RAB7A: variants seen among roughly 807,000 people sequenced by gnomAD.
RAB7A encodes ras-related protein Rab-7a.
Under a neutral mutation model 24.5 loss-of-function variants are expected in RAB7A, and 2 were observed. That is an observed-to-expected ratio of 0.08 (90% CI 0.03 to 0.26). The LOEUF (loss-of-function observed/expected upper bound fraction) is 0.26, where lower values mean the gene tolerates loss of function less well. Ranked by LOEUF, RAB7A falls within the 10% of genes least tolerant of loss-of-function variation. RAB7A has a pLI of 1.00. For missense variants in RAB7A, 118 were observed against 255.7 expected (o/e 0.46, Z 3.67); for synonymous variants, 100 against 95.9 (o/e 1.04, Z -0.25).
At chr3:128,773,735 A>G (rs1933012387) in intron 1 of RAB7A, among the ~76,000 whole-genome samples, 2 of 152,224 alleles carry the variant, frequency 1.3e-5, no homozygotes, top group Non-Finnish European at 2.9e-5. Flanking sequence ...GTTCTGTACT[A>G]AGAAAAATTC....
chr3:128,747,312 C>T (rs1283443347), intron 1 of RAB7A, among the ~76,000 whole-genome samples: 6 of 151,016 alleles, frequency 4.0e-5, no homozygotes, highest in Admixed American at 3.3e-4. Context: ...ATCGGCCGGG[C>T]GCAGTGGCTC....
Position 128,795,423 on chromosome 3 carries a change from A to G in RAB7A, c.53+3A>G. 1.9e-6 allele frequency: 3 copies of G among 1,611,424 alleles called. No individual in the cohort carries two copies. Among genetic ancestry groups the G allele is most frequent in the Non-Finnish European group, 2.5e-6 (3 of 1,177,540 alleles). ...GTTATCATCCTGGGAGATTCTGGGT[A>G]AGTTACTCATGAATTTGAGCTAACA... On this transcript the variant is annotated splice_donor_region_variant and intron_variant, in intron 2 of 5. Coordinates refer to ENST00000265062, the MANE Select transcript of RAB7A (RefSeq NM_004637.6).
chr3:128,799,467 G>T (rs1933650725), intron 3 of RAB7A, among the ~76,000 whole-genome samples: 1 of 152,156 alleles, frequency 6.6e-6, no homozygotes. Flanking sequence ...GTCCTAGAAA[G>T]TACCTGGCAA....
At chr3:128,798,417 G>A (rs186923613) in intron 3 of RAB7A, 1 of 276,470 alleles carries the variant, frequency 3.6e-6, no homozygotes, top group East Asian at 9.1e-5. Flanking sequence ...TCCTTGCCCA[G>A]TGCTTTAGGT....
At chr3:128,797,033 T>G (rs758658858) in intron 2 of RAB7A, among the ~76,000 whole-genome samples, 1 of 152,102 alleles carries the variant, frequency 6.6e-6, no homozygotes, top group African/African-American at 2.4e-5. Flanking sequence ...AGATTTGTGC[T>G]CTCTCTCCTA....
At chr3:128,771,813 G>A (rs1052529015) in intron 1 of RAB7A, among the ~76,000 whole-genome samples, 3 of 152,134 alleles carry the variant, frequency 2.0e-5, no homozygotes, top group African/African-American at 4.8e-5. Context: ...AATAAGGAGC[G>A]TATCTGAATG....
At chr3:128,797,798 G>A (rs1182740626) in intron 2 of RAB7A, 145 bp from the exon 3 acceptor site, 7 of 863,256 alleles carry the variant, frequency 8.1e-6, no homozygotes, top group South Asian at 1.4e-5. Flanking sequence ...TGTAATGCTC[G>A]GAAGGCTACT....
At position 128,797,736 on chromosome 3, in the gene RAB7A, C is replaced by T. The variant is rs540223234; in HGVS notation, c.54-207C>T. Among the ~76,000 whole-genome samples, 256 of 152,320 alleles carry T rather than the reference C, an allele frequency of 1.7e-3. 2 individuals are homozygous for T. The highest frequency in any genetic ancestry group is 8.2e-4 in the Non-Finnish European group (56 of 68,030). On this transcript the variant is annotated intron_variant, in intron 2 of 5. Coordinates refer to ENST00000265062, the MANE Select transcript of RAB7A (RefSeq NM_004637.6). ...GTAAGCAGCTTTTCCACATCTGCCCCACATCTGTACCCTATATTTTTACCC... is the reference window on the plus strand; with the variant it reads ...GTAAGCAGCTTTTCCACATCTGCCCTACATCTGTACCCTATATTTTTACCC...
chr3:128,807,166 A>G (rs1490679345), intron 4 of RAB7A, among the ~76,000 whole-genome samples: 2 of 152,330 alleles, frequency 1.3e-5, no homozygotes, highest in East Asian at 3.9e-4. Flanking sequence ...TGAAGGGACT[A>G]TAAACCTTAA....
At chr3:128,779,275 G>A (rs1325270350) in intron 1 of RAB7A, among the ~76,000 whole-genome samples, 45 of 152,020 alleles carry the variant, frequency 3.0e-4, no homozygotes, top group Admixed American at 2.8e-3. Context: ...TTTGCCGGGT[G>A]TGGTGGTGGG....
At chr3:128,807,881 G>T (rs1343780088) in intron 5 of RAB7A, among the ~76,000 whole-genome samples, 1 of 152,228 alleles carries the variant, frequency 6.6e-6, no homozygotes, top group African/African-American at 2.4e-5. Context: ...AAGATGCAGA[G>T]GCTGTGAAGT....
At chr3:128,728,334 C>G (rs1257575728) in intron 1 of RAB7A, among the ~76,000 whole-genome samples, 1 of 152,204 alleles carries the variant, frequency 6.6e-6, no homozygotes, top group African/African-American at 2.4e-5. Flanking sequence ...ATTTTAACAA[C>G]AGCATTTGTA....
In RAB7A at chr3:128,766,636, T is replaced by G. The variant is rs146686826; in HGVS notation, c.-8-28724T>G. Reference sequence around the variant, plus strand: ...GGTCATACATTTTGGTTGGTTGGTTTGTTTGTTTATTTTTTGTAGAGATGG... The same window carrying G: ...GGTCATACATTTTGGTTGGTTGGTTGGTTTGTTTATTTTTTGTAGAGATGG... On this transcript the variant is annotated intron_variant, in intron 1 of 5. Transcript: ENST00000265062. Among the ~76,000 whole-genome samples, 586 of 152,286 alleles carry G rather than the reference T, an allele frequency of 3.8e-3. 4 individuals are homozygous for G. The highest frequency in any genetic ancestry group is 0.012 in the African/African-American group (508 of 41,544).
In RAB7A at chr3:128,798,043, G is replaced by C. The variant is rs1933610999; in HGVS notation, c.154G>C (p.Val52Leu). Reference protein sequence around the residue: ...GADFLTKEVMVDDRLVTMQIW... With the variant: ...GADFLTKEVMLDDRLVTMQIW... ...TGACTTTCTGACCAAGGAGGTGATG[G>C]TGGATGACAGGCTAGTCACAATGCA... The change falls in exon 3 of 6, where the codon GTG becomes CTG. Residue 52 changes from valine to leucine, a missense_variant. By Grantham distance (32) the Val-to-Leu change is conservative (BLOSUM62 1). Coordinates refer to ENST00000265062, the MANE Select transcript of RAB7A (RefSeq NM_004637.6). The C allele has an allele frequency of 6.2e-7, 1 of 1,614,006 alleles. No homozygotes were observed. The highest frequency in any genetic ancestry group is 8.5e-7 in the Non-Finnish European group (1 of 1,179,968).
intron 1 of RAB7A, among the ~76,000 whole-genome samples, chr3:128,728,719 C>T (rs2070404960): frequency 6.6e-6 from 1 of 152,286 alleles, no homozygotes; most frequent in Middle Eastern, 3.4e-3. Context: ...GTCTCGGCCT[C>T]CGAAAAGTGC....
chr3:128,773,924 C>A (rs1010829380), intron 1 of RAB7A, among the ~76,000 whole-genome samples: 2 of 151,562 alleles, frequency 1.3e-5, no homozygotes, highest in Non-Finnish European at 2.9e-5. Context: ...ATCTCAAGTA[C>A]CCAGGGACAC....
intron 1 of RAB7A, among the ~76,000 whole-genome samples, chr3:128,738,813 G>C (rs1408038659): frequency 1.3e-5 from 2 of 152,086 alleles, no homozygotes; most frequent in Non-Finnish European, 2.9e-5. Flanking sequence ...CAATACATCT[G>C]TTGTCATACC....
chr3:128,731,355 G>T (rs773462446), intron 1 of RAB7A, among the ~76,000 whole-genome samples: 3 of 152,184 alleles, frequency 2.0e-5, no homozygotes, highest in Non-Finnish European at 2.9e-5. Context: ...TTCACTTACA[G>T]ATATGAGGAT....
intron 1 of RAB7A, among the ~76,000 whole-genome samples, chr3:128,765,772 T>C (rs2070825313): frequency 6.6e-6 from 1 of 151,572 alleles, no homozygotes; most frequent in African/African-American, 2.4e-5. Context: ...TTTTTTTTTT[T>C]TTTCCCGAGA....
Sources: gnomAD v4.1 joint callset for allele counts (sites outside exome capture counted in the v4.1 genomes callset) on GRCh38, gnomAD v4.1.1 for gene constraint, MANE v1.5 for transcripts, NCBI Gene and HGNC (gene_info 2026-07-23, HGNC 2026-07-21) for gene names.